The following EXOC6B variants were observed in gnomAD, a reference collection of about 807,000 sequenced individuals.
EXOC6B encodes SEC15 homolog B.
EXOC6B carries 54 observed loss-of-function variants against 113.5 expected under a neutral mutation model. The observed-to-expected ratio is 0.48, with a 90% confidence interval of 0.38 to 0.60. EXOC6B has a LOEUF of 0.60. Ranked by LOEUF, EXOC6B falls within the 20% of genes least tolerant of loss-of-function variation. EXOC6B has a pLI of 0.00. For synonymous variants in EXOC6B, 357 were observed against 339.0 expected, an observed-to-expected ratio of 1.05 and a Z score of -0.58; for missense variants, 797 against 977.5, an observed-to-expected ratio of 0.82 and a Z score of 2.46.
chr2:72,445,292 GCTTTTGATCAAAGC>G (rs1696500281), intron 18 of EXOC6B, among the ~76,000 whole-genome samples: 2 of 152,090 alleles, frequency 1.3e-5, no homozygotes, highest in Non-Finnish European at 2.9e-5. Flanking sequence ...TTGCTATCAG[GCTTTTGATCAAAGC>G]CATTCAACAA....
intron 17 of EXOC6B, among the ~76,000 whole-genome samples, chr2:72,473,582 T>A (rs752721321): frequency 6.6e-6 from 1 of 152,266 alleles, no homozygotes; most frequent in Non-Finnish European, 1.5e-5. Flanking sequence ...AAATTATGTT[T>A]CTTGTAGGCA....
intron 6 of EXOC6B, among the ~76,000 whole-genome samples, chr2:72,713,582 G>A (rs1175411269): frequency 1.4e-4 from 14 of 99,902 alleles, no homozygotes; most frequent in Middle Eastern, 4.7e-3. Flanking sequence ...TCCCTCCCCC[G>A]TCCCCCCACC....
At chr2:72,814,138 A>G (rs912118032) in intron 1 of EXOC6B, among the ~76,000 whole-genome samples, 2 of 152,210 alleles carry the variant, frequency 1.3e-5, no homozygotes, top group African/African-American at 2.4e-5. Flanking sequence ...AACAAGGTCA[A>G]ATTGAAAGTC....
In EXOC6B at chr2:72,363,597, CTGA is replaced by C. The variant is rs565740332; in HGVS notation, c.2122+16129_2122+16131del. Among the ~76,000 whole-genome samples the C allele has an allele frequency of 5.3e-3, 807 of 151,334 alleles. 5 individuals are homozygous for C. Among genetic ancestry groups the C allele is most frequent in the African/African-American group, 0.015 (616 of 41,258 alleles). ...TTAGCAGATTTGCTAACTGCTGCTA[CTGA>C]TGATGATGATGATGATGATGATGAT... On this transcript the variant is annotated intron_variant, in intron 19 of 21. Coordinates refer to ENST00000272427, the MANE Select transcript of EXOC6B (RefSeq NM_015189.3).
At chr2:72,520,079 G>A (rs972576170) in intron 8 of EXOC6B, among the ~76,000 whole-genome samples, 5 of 152,084 alleles carry the variant, frequency 3.3e-5, no homozygotes, top group Admixed American at 6.6e-5. Context: ...CAGTTAGCAC[G>A]TATCTCCATC....
intron 6 of EXOC6B, among the ~76,000 whole-genome samples, chr2:72,614,319 T>G (rs1238714633): frequency 6.6e-6 from 1 of 152,104 alleles, no homozygotes; most frequent in African/African-American, 2.4e-5. Flanking sequence ...ATGACTGCTT[T>G]GACAATGACT....
intron 18 of EXOC6B, among the ~76,000 whole-genome samples, chr2:72,453,988 G>A (rs1697060913): frequency 6.6e-6 from 1 of 152,162 alleles, no homozygotes; most frequent in African/African-American, 2.4e-5. Flanking sequence ...GCTGAGAGAA[G>A]GGGGAAGCCC....
chr2:72,701,882 G>C (rs949034941), intron 6 of EXOC6B, among the ~76,000 whole-genome samples: 3 of 150,602 alleles, frequency 2.0e-5, no homozygotes, highest in African/African-American at 7.3e-5. Flanking sequence ...CACTGGTACA[G>C]AAGGCAATTA....
chr2:72,577,565 G>A (rs1704952817), intron 6 of EXOC6B, among the ~76,000 whole-genome samples: 1 of 140,604 alleles, frequency 7.1e-6, no homozygotes, highest in Non-Finnish European at 1.5e-5. Flanking sequence ...AATATTGTCA[G>A]TGTTTCAAAA....
At chr2:72,423,023 C>T (rs553120043) in intron 18 of EXOC6B, among the ~76,000 whole-genome samples, 8 of 152,254 alleles carry the variant, frequency 5.3e-5, no homozygotes, top group East Asian at 3.9e-4. Flanking sequence ...TTTATTCTTT[C>T]GCTCTTTGCA....
chr2:72,283,614 C>G (rs1685257891), intron 20 of EXOC6B, among the ~76,000 whole-genome samples: 1 of 151,960 alleles, frequency 6.6e-6, no homozygotes, highest in Admixed American at 6.6e-5. Context: ...GGAGGTTGGC[C>G]AGATTCTCAC....
At chr2:72,798,962 G>C (rs1685128874) in intron 1 of EXOC6B, among the ~76,000 whole-genome samples, 1 of 151,982 alleles carries the variant, frequency 6.6e-6, no homozygotes, top group Non-Finnish European at 1.5e-5. Context: ...TCTAAGGTTG[G>C]GTGTGGTGGC....
At chr2:72,383,408 C>G (rs757874996) in intron 18 of EXOC6B, among the ~76,000 whole-genome samples, 2 of 151,968 alleles carry the variant, frequency 1.3e-5, no homozygotes, top group Non-Finnish European at 2.9e-5. Flanking sequence ...TTCAACGTCA[C>G]CAATCATTAG....
intron 19 of EXOC6B, among the ~76,000 whole-genome samples, chr2:72,336,659 C>A (rs1177791425): frequency 1.3e-5 from 2 of 152,028 alleles, no homozygotes; most frequent in Non-Finnish European, 2.9e-5. Context: ...ATTCAAATGC[C>A]ATATATAAAT....
intron 20 of EXOC6B, among the ~76,000 whole-genome samples, chr2:72,264,240 A>T (rs1365285475): frequency 6.6e-6 from 1 of 152,114 alleles, no homozygotes; most frequent in African/African-American, 2.4e-5. Flanking sequence ...TATACTCAAC[A>T]TTGACACTAT....
intron 1 of EXOC6B, among the ~76,000 whole-genome samples, chr2:72,749,744 T>C (rs1390322186): frequency 2.6e-5 from 4 of 151,932 alleles, no homozygotes; most frequent in Non-Finnish European, 4.4e-5. Context: ...ATTATCATTA[T>C]GGTTCTGATG....
intron 1 of EXOC6B, among the ~76,000 whole-genome samples, chr2:72,761,613 G>A (rs1258507305): frequency 2.0e-5 from 3 of 152,040 alleles, no homozygotes; most frequent in African/African-American, 7.2e-5. Flanking sequence ...AATGGCCTCA[G>A]CAAATTAAAT....
intron 20 of EXOC6B, among the ~76,000 whole-genome samples, chr2:72,260,252 C>G (rs1327271372): frequency 6.6e-6 from 1 of 151,856 alleles, no homozygotes; most frequent in African/African-American, 2.4e-5. Flanking sequence ...TGTGTATATC[C>G]AAGGGGGATG....
At chr2:72,640,136 G>A (rs1412311806) in intron 6 of EXOC6B, among the ~76,000 whole-genome samples, 1 of 152,088 alleles carries the variant, frequency 6.6e-6, no homozygotes, top group Non-Finnish European at 1.5e-5. Context: ...AAGAATGCAG[G>A]AGCCAAGAGA....
Sources: gnomAD v4.1 joint callset for allele counts (sites outside exome capture counted in the v4.1 genomes callset) on GRCh38, gnomAD v4.1.1 for gene constraint, MANE v1.5 for transcripts, NCBI Gene and HGNC (gene_info 2026-07-23, HGNC 2026-07-21) for gene names.